The following SNED1 variants were observed in gnomAD, a reference collection of about 807,000 sequenced individuals.
SNED1 encodes the protein sushi, nidogen and EGF-like domain-containing protein 1.
Under a neutral mutation model 166.7 loss-of-function variants are expected in SNED1, and 81 were observed. The observed-to-expected ratio is 0.49, with a 90% CI of 0.41 to 0.58. The LOEUF is 0.58. Ranked by LOEUF, SNED1 falls within the 20% of genes least tolerant of loss-of-function variation. The pLI is 0.00. For synonymous variants in SNED1, 762 were observed against 822.0 expected, an observed-to-expected ratio of 0.93 and a Z score of 1.25; for missense variants, 1,604 against 2,000.2, an observed-to-expected ratio of 0.80 and a Z score of 3.78.
In SNED1 at chr2:241,030,561, C is replaced by T. The variant is rs374564883; in HGVS notation, c.491C>T (p.Ser164Phe). The T allele has an allele frequency of 5.7e-5, 92 of 1,613,650 alleles. 1 individual carries two copies. The Middle Eastern group carries it at 1.2e-3, about 20-fold the overall frequency. Residue 164 changes from serine to phenylalanine, a missense_variant, in exon 2 of 32, where the codon TCC (serine) becomes TTC (phenylalanine). Physicochemically the swap from Ser to Phe is radical, Grantham distance 155. Transcript: ENST00000310397. ...WYRVTFFGGSSSSPVNTFQTV... is the reference protein window; with the variant it reads ...WYRVTFFGGSFSSPVNTFQTV... Reference sequence around the variant, plus strand: ...CGAGTGACCTTCTTTGGAGGCAGTTCCTCATCCCCTGTGAGTCCAGGCACT... The same window carrying T: ...CGAGTGACCTTCTTTGGAGGCAGTTTCTCATCCCCTGTGAGTCCAGGCACT...
chr2:241,003,577 C>G (rs2060135388), intron 1 of SNED1, among the ~76,000 whole-genome samples: 1 of 152,222 alleles, frequency 6.6e-6, no homozygotes, highest in African/African-American at 2.4e-5. Flanking sequence ...AGATGCAGGA[C>G]CTGCACACTT....
intron 27 of SNED1, among the ~76,000 whole-genome samples, chr2:241,081,133 C>T (rs1260687911): frequency 6.6e-6 from 1 of 152,236 alleles, no homozygotes; most frequent in African/African-American, 2.4e-5. Context: ...GGGGTGCACA[C>T]GCATCCCTGG....
intron 1 of SNED1, among the ~76,000 whole-genome samples, chr2:241,026,843 C>T (rs1198879742): frequency 6.6e-6 from 1 of 152,186 alleles, no homozygotes; most frequent in Admixed American, 6.5e-5. Flanking sequence ...ACCATCCACC[C>T]ACAGAATTCT....
rs1271198307 is a variant in SNED1 at position 241,093,020 on chromosome 2, G to C, written c.*1384G>C. ...CTCTTTCATAAAAATGTTTTTTGAA[G>C]AGTTAGAGTATATTTTAGGCTTTTT... is the stretch of plus-strand genomic sequence containing the variant. On this transcript the variant is annotated 3_prime_UTR_variant, in exon 32 of 32. Coordinates refer to ENST00000310397, the MANE Select transcript of SNED1 (RefSeq NM_001080437.3). 6.6e-6 allele frequency: 1 copy of C among 152,218 alleles called. No individual in the cohort carries two copies. Among genetic ancestry groups the C allele is most frequent in the Non-Finnish European group, 1.5e-5 (1 of 68,054 alleles). The allele number at this position is 152,218 out of a possible 1,614,324, so 9.4% of individuals were successfully genotyped here.
At chr2:241,085,105 G>A (rs532722024) in intron 29 of SNED1, among the ~76,000 whole-genome samples, 8 of 152,062 alleles carry the variant, frequency 5.3e-5, no homozygotes, top group Admixed American at 3.3e-4. Flanking sequence ...GTATGGCTAC[G>A]TTTTGATTCT....
At position 241,052,685 on chromosome 2, in the gene SNED1, GT is replaced by G. The variant is rs1559269473; in HGVS notation, c.2083+218del. Among the ~76,000 whole-genome samples, 294 of 41,780 alleles carry G rather than the reference GT, an allele frequency of 7.0e-3. 7 individuals are homozygous for G. Among genetic ancestry groups the G allele is most frequent in the East Asian group, 0.05 (46 of 924 alleles). 27.4% of individuals were successfully genotyped at this position (41,780 alleles called of 152,430 possible). Reference sequence around the variant, plus strand: ...ACACCGGTGCCAGGCAGGTGAGAGGGTCGGCGGGGGGGGGGGGGGTCAAGCA... The same window carrying G: ...ACACCGGTGCCAGGCAGGTGAGAGGGCGGCGGGGGGGGGGGGGGTCAAGCA... On this transcript the variant is annotated intron_variant, in intron 15 of 31. Transcript: ENST00000310397.
intron 16 of SNED1, among the ~76,000 whole-genome samples, chr2:241,059,352 G>A (rs190762229): frequency 6.6e-6 from 1 of 152,178 alleles, no homozygotes; most frequent in African/African-American, 2.4e-5. Flanking sequence ...CTTTTAGAAA[G>A]AGCTACATAT....
At position 241,023,888 on chromosome 2, in the gene SNED1, C is replaced by CTTTTTTTTTT. The variant is rs34234341; in HGVS notation, c.214-6386_214-6377dup. On this transcript the variant is annotated intron_variant, in intron 1 of 31. Coordinates refer to ENST00000310397, the MANE Select transcript of SNED1 (RefSeq NM_001080437.3). ...TTCTCTCTTTTTTTCTTTTTTTTTC[C>CTTTTTTTTTT]TTTTTTTTTTTTTTTTTTTGAGACA... Among the ~76,000 whole-genome samples the CTTTTTTTTTT allele has an allele frequency of 4.7e-4, 43 of 92,000 alleles. 1 individual carries two copies. Among genetic ancestry groups the CTTTTTTTTTT allele is most frequent in the East Asian group, 2.9e-3 (8 of 2,788 alleles). The allele number at this position is 92,000 out of a possible 152,430, so 60.4% of individuals were successfully genotyped here.
chr2:241,041,911 A>C (rs1011408041), intron 8 of SNED1, among the ~76,000 whole-genome samples: 1 of 152,210 alleles, frequency 6.6e-6, no homozygotes, highest in Non-Finnish European at 1.5e-5. Context: ...CAACACCTAG[A>C]AAAACAGACA....
rs146796401 is a variant in SNED1, at chr2:241,090,422, T to A, written c.*2-1216T>A. 1.9e-3 allele frequency: 3,010 copies of A among 1,547,558 alleles called. 43 individuals carry two copies. In the African/African-American group the frequency reaches 0.034, roughly 18 times the overall value. ...TGCCTGAGGCCATTTTATAGTTAAC[T>A]TTTTTTCATAAGTAGAAGGAGTACA... On this transcript the variant is annotated intron_variant, in intron 31 of 31. Transcript: ENST00000310397.
chr2:241,083,182 A>G (rs980913617), intron 29 of SNED1, among the ~76,000 whole-genome samples: 2 of 152,196 alleles, frequency 1.3e-5, no homozygotes, highest in Non-Finnish European at 2.9e-5. Flanking sequence ...CTGGTGCAGC[A>G]AGAGGGCAGC....
At chr2:241,003,783 G>C (rs13412562) in intron 1 of SNED1, among the ~76,000 whole-genome samples, 7,055 of 152,342 alleles carry the variant, frequency 0.046, 359 homozygotes, top group African/African-American at 0.13. Context: ...AGGTCAGTTT[G>C]TGTGATACTG....
At chr2:241,049,390 G>GCCC (rs2061760825) in intron 11 of SNED1, among the ~76,000 whole-genome samples, 1 of 152,210 alleles carries the variant, frequency 6.6e-6, no homozygotes, top group Non-Finnish European at 1.5e-5. Flanking sequence ...TCTTACCTAA[G>GCCC]CCCCAACACA....
chr2:241,029,632 G>C (rs2061099344), intron 1 of SNED1, among the ~76,000 whole-genome samples: 1 of 152,252 alleles, frequency 6.6e-6, no homozygotes, highest in African/African-American at 2.4e-5. Context: ...TGTCACTGAT[G>C]GATGCGCAGC....
At chr2:240,997,832 T>C (rs1490662370), upstream of SNED1, among the ~76,000 whole-genome samples, 1 of 152,080 alleles carries the variant, frequency 6.6e-6, no homozygotes, top group East Asian at 1.9e-4. Context: ...CCTGGGGACA[T>C]AGAGGTGGTC....
chr2:241,083,588 A>G (rs2063434365), intron 29 of SNED1, among the ~76,000 whole-genome samples: 1 of 152,186 alleles, frequency 6.6e-6, no homozygotes, highest in Non-Finnish European at 1.5e-5. Context: ...AGCCGTGTTG[A>G]CAGCCCACTG....
At position 241,053,121 on chromosome 2, in the gene SNED1, G is replaced by C. The variant is rs768248776; in HGVS notation, c.2084-32G>C. 7 of 1,591,390 alleles carry C rather than the reference G, an allele frequency of 4.4e-6. No homozygotes were observed. The African/African-American group carries it at 8.0e-5, about 18-fold the overall frequency. On this transcript the variant is annotated intron_variant, in intron 15 of 31. Coordinates refer to ENST00000310397, the MANE Select transcript of SNED1 (RefSeq NM_001080437.3). ...GTGGGGAGGGGCCAGGAAGGCACAG[G>C]ACCGTGCGAGACAGGCTGCCGTGCC...
At chr2:241,089,217 G>A in intron 31 of SNED1, 3 of 1,364,890 alleles carry the variant, frequency 2.2e-6, no homozygotes, top group Non-Finnish European at 3.0e-6. Flanking sequence ...GTCACTGCAT[G>A]AAAGATGAAT....
At chr2:241,087,888 C>A in intron 30 of SNED1, 1 of 427,036 alleles carries the variant, frequency 2.3e-6, no homozygotes, top group Non-Finnish European at 4.0e-6. Context: ...TACTGTTTGG[C>A]GTTTGCTGAA....
Sources: gnomAD v4.1 joint callset for allele counts (sites outside exome capture counted in the v4.1 genomes callset) on GRCh38, gnomAD v4.1.1 for gene constraint, MANE v1.5 for transcripts, NCBI Gene and HGNC (gene_info 2026-07-23, HGNC 2026-07-21) for gene names.